The following RARB variants were observed in gnomAD, a reference collection of about 807,000 sequenced individuals.
RARB encodes the protein retinoic acid receptor beta.
A neutral mutation model predicts 51.9 loss-of-function variants in RARB; 17 were observed. The observed-to-expected ratio is 0.33, with a 90% CI of 0.22 to 0.49. The LOEUF is 0.49. RARB is among the 20% of genes least tolerant of loss of function. RARB has a pLI of 0.99. For missense variants in RARB, 369 were observed against 550.8 expected, an observed-to-expected ratio of 0.67 and a Z score of 3.30; for synonymous variants, 215 against 195.4, an observed-to-expected ratio of 1.10 and a Z score of -0.84.
intron 1 of RARB, among the ~76,000 whole-genome samples, chr3:25,450,972 A>C (rs1709169252): frequency 6.6e-6 from 1 of 152,098 alleles, no homozygotes; most frequent in African/African-American, 2.4e-5. Context: ...TATTAATTCC[A>C]ACTACTTGGG....
chr3:25,584,919 C>G (rs1470351795), intron 5 of RARB, among the ~76,000 whole-genome samples: 2 of 152,094 alleles, frequency 1.3e-5, no homozygotes, highest in Non-Finnish European at 2.9e-5. Flanking sequence ...CCTGCCCCTA[C>G]TTTTGCCACA....
intron 5 of RARB, among the ~76,000 whole-genome samples, chr3:25,347,304 T>C (rs1455650650): frequency 2.0e-5 from 3 of 152,112 alleles, no homozygotes; most frequent in African/African-American, 7.2e-5. Context: ...AAGTGAAAAA[T>C]GGATGAGGCT....
At chr3:25,559,956 C>A (rs1700206941) in intron 3 of RARB, among the ~76,000 whole-genome samples, 1 of 152,088 alleles carries the variant, frequency 6.6e-6, no homozygotes, top group Non-Finnish European at 1.5e-5. Context: ...GATGGATAGA[C>A]AGATGGATGG....
intron 5 of RARB, among the ~76,000 whole-genome samples, chr3:25,330,164 A>T: frequency 6.6e-6 from 1 of 152,090 alleles, no homozygotes; most frequent in Non-Finnish European, 1.5e-5. Flanking sequence ...AATACAGAGA[A>T]CTCCACAAAG....
At chr3:25,486,436 C>A (rs1311970806) in intron 2 of RARB, among the ~76,000 whole-genome samples, 1 of 152,146 alleles carries the variant, frequency 6.6e-6, no homozygotes, top group Non-Finnish European at 1.5e-5. Flanking sequence ...TCACTTAAGC[C>A]ACCCTACAGC....
At chr3:25,484,915 C>T (rs1696387400) in intron 2 of RARB, among the ~76,000 whole-genome samples, 2 of 152,152 alleles carry the variant, frequency 1.3e-5, no homozygotes, top group African/African-American at 4.8e-5. Context: ...CATGACTTTT[C>T]ATTTTTGAAA....
At chr3:25,228,400 C>T (rs774520248) in intron 5 of RARB, among the ~76,000 whole-genome samples, 1 of 151,836 alleles carries the variant, frequency 6.6e-6, no homozygotes, top group Non-Finnish European at 1.5e-5. Flanking sequence ...ATTCTACTCC[C>T]GTTTCTAATG....
chr3:25,476,731 A>G (rs17016484), intron 2 of RARB, among the ~76,000 whole-genome samples: 7,878 of 152,238 alleles, frequency 0.052, 245 homozygotes, highest in East Asian at 0.19. Context: ...TTTTTCCACA[A>G]TGGCTTGTTG....
intron 5 of RARB, among the ~76,000 whole-genome samples, chr3:25,366,258 G>A (rs1209080447): frequency 6.6e-6 from 1 of 152,162 alleles, no homozygotes; most frequent in Non-Finnish European, 1.5e-5. Context: ...GTGTTCTCAA[G>A]GCTAACAAGT....
chr3:25,130,941 C>CAAT (rs1188551591), intron 3 of RARB, among the ~76,000 whole-genome samples: 1 of 25,604 alleles, frequency 3.9e-5, no homozygotes, highest in African/African-American at 1.8e-4. Flanking sequence ...TTGATAATAT[C>CAAT]AATATTTATT....
At position 25,240,773 on chromosome 3, in the gene RARB, G is replaced by A. The variant is rs144005873; in HGVS notation, c.178+66198G>A. Among the ~76,000 whole-genome samples the A allele has an allele frequency of 6.6e-5, 10 of 152,232 alleles. No individual in the cohort carries two copies. The East Asian group carries it at 1.9e-3, about 29-fold the overall frequency. On this transcript the variant is annotated intron_variant, in intron 5 of 11. Coordinates refer to the RARB transcript ENST00000383772. ...GATTTTTGCGTCTGTGTCTATCAGGGATATTAGCCTGTAGTTTTCTTTTTT... is the reference window on the plus strand; with the variant it reads ...GATTTTTGCGTCTGTGTCTATCAGGAATATTAGCCTGTAGTTTTCTTTTTT...
chr3:24,954,036 CTCTT>C (rs1043438756), intron 2 of RARB, among the ~76,000 whole-genome samples: 1 of 152,122 alleles, frequency 6.6e-6, no homozygotes, highest in African/African-American at 2.4e-5. Context: ...CTTCCTTTCT[CTCTT>C]TCTCCTTATT....
At chr3:25,526,447 T>C (rs1286758) in intron 3 of RARB, among the ~76,000 whole-genome samples, 36,387 of 152,126 alleles carry the variant, frequency 0.24, 5,813 homozygotes, top group African/African-American at 0.43. Flanking sequence ...GAGAATAGAT[T>C]GGGCAAGGGG....
At chr3:25,044,052 C>T (rs1232084270) in intron 2 of RARB, among the ~76,000 whole-genome samples, 2 of 151,778 alleles carry the variant, frequency 1.3e-5, no homozygotes, top group African/African-American at 4.8e-5. Flanking sequence ...GAGTTTCAGT[C>T]CACTGATACT....
chr3:25,257,573 T>A (rs1240637403), intron 5 of RARB, among the ~76,000 whole-genome samples: 1 of 152,064 alleles, frequency 6.6e-6, no homozygotes, highest in Non-Finnish European at 1.5e-5. Flanking sequence ...ATAGTCCAGA[T>A]ATGGAGTCAG....
chr3:24,928,537 T>C (rs560240508), intron 2 of RARB, among the ~76,000 whole-genome samples: 3 of 152,190 alleles, frequency 2.0e-5, no homozygotes, highest in Non-Finnish European at 2.9e-5. Flanking sequence ...TTCCTTTTTG[T>C]TCTGTAATCT....
At chr3:24,945,129 G>GTT (rs1222427721) in intron 2 of RARB, among the ~76,000 whole-genome samples, 2 of 152,220 alleles carry the variant, frequency 1.3e-5, no homozygotes, top group Admixed American at 1.3e-4. Context: ...GGTAAATTTA[G>GTT]TTTTTTATAG....
intron 5 of RARB, among the ~76,000 whole-genome samples, chr3:25,320,894 A>G (rs1187766211): frequency 6.6e-6 from 1 of 152,170 alleles, no homozygotes; most frequent in Non-Finnish European, 1.5e-5. Context: ...AATCCCTTTC[A>G]AATACTTTGA....
intron 3 of RARB, among the ~76,000 whole-genome samples, chr3:25,566,248 G>A (rs1057337339): frequency 2.5e-4 from 38 of 152,180 alleles, no homozygotes; most frequent in African/African-American, 8.9e-4. Context: ...AAATTTGTCC[G>A]TCAACTTATG....
Sources: gnomAD v4.1 joint callset for allele counts (sites outside exome capture counted in the v4.1 genomes callset) on GRCh38, gnomAD v4.1.1 for gene constraint, MANE v1.5 for transcripts, NCBI Gene and HGNC (gene_info 2026-07-23, HGNC 2026-07-21) for gene names.